Variants in PTPRM observed in about 807,000 individuals in gnomAD.
The protein encoded by PTPRM is receptor-type tyrosine-protein phosphatase mu.
A neutral mutation model predicts 186.7 loss-of-function variants in PTPRM; 47 were observed. The observed-to-expected ratio is 0.25, with a 90% confidence interval of 0.20 to 0.32. The LOEUF (loss-of-function observed/expected upper bound fraction) is 0.32, where lower values mean the gene tolerates loss of function less well. PTPRM is among the 10% of genes least tolerant of loss of function. The pLI is 1.00. For synonymous variants in PTPRM, 668 were observed against 674.9 expected (o/e 0.99, Z 0.16); for missense variants, 1,494 against 1,865.0 (o/e 0.80, Z 3.66).
At chr18:8,362,295 C>A (rs551402643) in intron 23 of PTPRM, among the ~76,000 whole-genome samples, 52 of 152,126 alleles carry the variant, frequency 3.4e-4, no homozygotes, top group Admixed American at 7.2e-4. Flanking sequence ...TGCAGAGAGC[C>A]CCATGGTGGT....
intron 23 of PTPRM, among the ~76,000 whole-genome samples, chr18:8,368,575 A>G (rs2095646139): frequency 6.6e-6 from 1 of 152,120 alleles, no homozygotes; most frequent in Non-Finnish European, 1.5e-5. Flanking sequence ...CTTGCCAACT[A>G]AAGGTAATGA....
Position 8,292,271 on chromosome 18 carries a change from A to G in PTPRM, c.2755-4097A>G, listed in dbSNP as rs146045609. Among the ~76,000 whole-genome samples the G allele has an allele frequency of 5.4e-3, 819 of 152,322 alleles. 6 individuals carry two copies. Among genetic ancestry groups the G allele is most frequent in the African/African-American group, 0.019 (783 of 41,576 alleles). On this transcript the variant is annotated intron_variant, in intron 19 of 32. Transcript: ENST00000580170. ...TATCTTGAACGTATATGCTAGAAAA[A>G]AGCCATAACATTCAAAACTGGATCC...
chr18:7,570,023 G>A (rs371758632), intron 1 of PTPRM, among the ~76,000 whole-genome samples: 1 of 152,156 alleles, frequency 6.6e-6, no homozygotes, highest in African/African-American at 2.4e-5. Flanking sequence ...CTGCTCTAGA[G>A]GCAGAGGCAG....
At chr18:8,351,744 T>C (rs62085046) in intron 23 of PTPRM, among the ~76,000 whole-genome samples, 42,167 of 152,194 alleles carry the variant, frequency 0.28, 6,530 homozygotes, top group Middle Eastern at 0.51. Flanking sequence ...AGATTGGCAG[T>C]GTGGCCTGTG....
intron 3 of PTPRM, among the ~76,000 whole-genome samples, chr18:7,891,427 A>G (rs1240134363): frequency 6.6e-6 from 1 of 152,214 alleles, no homozygotes; most frequent in African/African-American, 2.4e-5. Flanking sequence ...TATAAAACAA[A>G]AAGTAAAAAT....
chr18:7,594,165 G>T (rs1199535263), intron 1 of PTPRM, among the ~76,000 whole-genome samples: 1 of 152,138 alleles, frequency 6.6e-6, no homozygotes, highest in Non-Finnish European at 1.5e-5. Flanking sequence ...AGTAAAGTCA[G>T]TTCCATTTAA....
intron 2 of PTPRM, among the ~76,000 whole-genome samples, chr18:7,876,404 G>A (rs1425336628): frequency 6.6e-6 from 1 of 152,052 alleles, no homozygotes; most frequent in African/African-American, 2.4e-5. Context: ...TTATAAAAAT[G>A]CTCAAAATAC....
chr18:7,635,846 G>T (rs1426904728), intron 1 of PTPRM, among the ~76,000 whole-genome samples: 1 of 152,138 alleles, frequency 6.6e-6, no homozygotes, highest in Admixed American at 6.5e-5. Flanking sequence ...ATTAACAGGG[G>T]ATATATTAGC....
chr18:7,699,133 C>T (rs906551873), intron 1 of PTPRM, among the ~76,000 whole-genome samples: 1 of 151,682 alleles, frequency 6.6e-6, no homozygotes, highest in African/African-American at 2.4e-5. Context: ...TATGAGGGAT[C>T]TAAGTTGTGC....
chr18:8,234,553 C>T (rs1482887370), intron 14 of PTPRM, among the ~76,000 whole-genome samples: 1 of 152,122 alleles, frequency 6.6e-6, no homozygotes, highest in Non-Finnish European at 1.5e-5. Flanking sequence ...TTCATTCCTT[C>T]TTAACCTGTT....
At chr18:7,823,148 A>T (rs1295371517) in intron 2 of PTPRM, among the ~76,000 whole-genome samples, 2 of 152,114 alleles carry the variant, frequency 1.3e-5, no homozygotes, top group East Asian at 3.9e-4. Context: ...AGGATTTAAT[A>T]TTCCATAGCC....
intron 1 of PTPRM, among the ~76,000 whole-genome samples, chr18:7,705,240 A>AAAT (rs1397942118): frequency 6.6e-6 from 1 of 152,096 alleles, no homozygotes; most frequent in Non-Finnish European, 1.5e-5. Context: ...TTACAATAGC[A>AAAT]AATAAGTATT....
intron 1 of PTPRM, among the ~76,000 whole-genome samples, chr18:7,630,545 C>T (rs913674136): frequency 1.3e-5 from 2 of 151,996 alleles, no homozygotes; most frequent in Non-Finnish European, 2.9e-5. Context: ...TTACGCGCAA[C>T]GTGGAAGGGA....
chr18:7,995,576 A>G (rs1327294253), intron 7 of PTPRM: 2 of 152,212 alleles, frequency 1.3e-5, no homozygotes, highest in East Asian at 1.9e-4. Context: ...TACAAAGACT[A>G]TACTTTCAGG....
At chr18:8,341,068 C>CAGAGCCCCAA (rs11283252) in intron 22 of PTPRM, among the ~76,000 whole-genome samples, 3 of 152,020 alleles carry the variant, frequency 2.0e-5, no homozygotes, top group Admixed American at 6.5e-5. Flanking sequence ...GGTTTAATTC[C>CAGAGCCCCAA]GGCTGTGCTG....
intron 1 of PTPRM, among the ~76,000 whole-genome samples, chr18:7,762,542 A>G (rs1404954395): frequency 6.6e-6 from 1 of 152,174 alleles, no homozygotes; most frequent in East Asian, 1.9e-4. Context: ...TTTGAGTACT[A>G]TCCGATGGAC....
intron 11 of PTPRM, among the ~76,000 whole-genome samples, chr18:8,091,922 A>C (rs192156660): frequency 6.6e-6 from 1 of 152,270 alleles, no homozygotes; most frequent in Non-Finnish European, 1.5e-5. Context: ...GCTTTTCCCA[A>C]ATGATAAGAT....
chr18:8,112,590 A>T (rs1320461924), intron 11 of PTPRM, among the ~76,000 whole-genome samples: 15 of 152,364 alleles, frequency 9.8e-5, no homozygotes, highest in Admixed American at 3.3e-4. Context: ...AGTTTTTCTC[A>T]GCATGAGAAA....
chr18:7,850,261 C>T (rs2046799791), intron 2 of PTPRM, among the ~76,000 whole-genome samples: 4 of 152,164 alleles, frequency 2.6e-5, no homozygotes. Flanking sequence ...GGGCTTTGTT[C>T]TTGAGCTTTT....
Sources: gnomAD v4.1 joint callset for allele counts (sites outside exome capture counted in the v4.1 genomes callset) on GRCh38, gnomAD v4.1.1 for gene constraint, MANE v1.5 for transcripts, NCBI Gene and HGNC (gene_info 2026-07-23, HGNC 2026-07-21) for gene names.